The following LAMB1 variants were observed in gnomAD, a reference collection of about 807,000 sequenced individuals.
The protein encoded by LAMB1 is laminin subunit beta-1.
In LAMB1, 121 loss-of-function variants were observed where a neutral mutation model predicts 222.3. The observed-to-expected ratio is 0.54, with a 90% CI of 0.47 to 0.63. The LOEUF (loss-of-function observed/expected upper bound fraction) is 0.63, where lower values mean the gene tolerates loss of function less well. Among genes scored for constraint, LAMB1 ranks in the 30% least tolerant of loss-of-function variants. LAMB1 has a pLI of 0.00. For missense variants in LAMB1, 2,172 were observed against 2,240.8 expected (o/e 0.97, Z 0.62); for synonymous variants, 794 against 807.2 (o/e 0.98, Z 0.28).
At chr7:107,968,928 A>G (rs1293354575) in intron 13 of LAMB1, among the ~76,000 whole-genome samples, 1 of 152,206 alleles carries the variant, frequency 6.6e-6, no homozygotes, top group East Asian at 1.9e-4. Flanking sequence ...TTGTTATGGC[A>G]GCAATAGAAA....
chr7:107,933,578 T>G (rs900028997), intron 27 of LAMB1, among the ~76,000 whole-genome samples: 1 of 151,824 alleles, frequency 6.6e-6, no homozygotes, highest in Admixed American at 6.6e-5. Flanking sequence ...AGATCTGTTT[T>G]GTTTCAACAG....
At chr7:107,977,467 T>C (rs532299545) in intron 9 of LAMB1, among the ~76,000 whole-genome samples, 5 of 152,248 alleles carry the variant, frequency 3.3e-5, no homozygotes, top group Non-Finnish European at 7.4e-5. Context: ...ATATAGTTCT[T>C]TCATTTTTCT....
In LAMB1 at chr7:107,928,665, G is replaced by T. The variant is rs534445166; in HGVS notation, c.4887+399C>A. The stretch of plus-strand genomic sequence containing the variant: ...ACACCACTATGCCCAGCTAACTTTT[G>T]TATCTTTAGTAGAGAAGGGGTTTTG... On this transcript the variant is annotated intron_variant, in intron 31 of 33. Transcript: ENST00000222399. Among the ~76,000 whole-genome samples, 104 of 152,218 alleles carry T rather than the reference G, an allele frequency of 6.8e-4. 1 individual carries two copies. Among genetic ancestry groups the T allele is most frequent in the African/African-American group, 2.4e-3 (99 of 41,538 alleles).
chr7:107,939,706 A>G (rs982119014), intron 25 of LAMB1, among the ~76,000 whole-genome samples: 3 of 152,122 alleles, frequency 2.0e-5, no homozygotes, highest in African/African-American at 7.2e-5. Flanking sequence ...CATTCCTCCC[A>G]TTTTACTGAC....
intron 13 of LAMB1, among the ~76,000 whole-genome samples, chr7:107,967,180 T>G (rs1372614023): frequency 4.6e-5 from 7 of 152,264 alleles, no homozygotes; most frequent in Non-Finnish European, 5.9e-5. Context: ...TTTCTGCCAG[T>G]AGATTTAAAA....
At chr7:107,942,817 G>A (rs1208427472) in intron 24 of LAMB1, 1 of 152,148 alleles carries the variant, frequency 6.6e-6, no homozygotes, top group Non-Finnish European at 1.5e-5. Flanking sequence ...GGATAAAGGG[G>A]AAAAACGTGT....
rs1375544468 is a variant in LAMB1 at position 107,974,976 on chromosome 7, A to T, written c.1482+10T>A. 1 of 1,502,358 alleles carries T rather than the reference A, an allele frequency of 6.7e-7. No individual in the cohort carries two copies. Among genetic ancestry groups the T allele is most frequent in the Non-Finnish European group, 9.3e-7 (1 of 1,080,516 alleles). 93.1% of individuals were successfully genotyped at this position (1,502,358 alleles called of 1,614,324 possible). A position where few individuals can be genotyped will look rare whatever the true frequency, so the allele number is the denominator to read the frequency against. On this transcript the variant is annotated intron_variant, in intron 12 of 33. Transcript: ENST00000222399. The stretch of plus-strand genomic sequence containing the variant: ...CAACCACCCATCCCACGTAATGAGG[A>T]TTTACTTACCAGGCACTGGTCACAA...
chr7:108,000,090 C>CA (rs1453256867), intron 3 of LAMB1: 3 of 151,486 alleles, frequency 2.0e-5, no homozygotes, highest in Non-Finnish European at 4.4e-5. Context: ...TAAGTGTTAG[C>CA]ATAATATTGT....
At chr7:107,979,698 G>T (rs1333288568) in intron 8 of LAMB1, among the ~76,000 whole-genome samples, 3 of 152,168 alleles carry the variant, frequency 2.0e-5, no homozygotes, top group South Asian at 2.1e-4. Flanking sequence ...GTGGGGAAAA[G>T]AATGGAATTA....
intron 2 of LAMB1, chr7:108,002,301 T>C (rs2034406665): frequency 3.1e-6 from 4 of 1,307,984 alleles, no homozygotes; most frequent in Non-Finnish European, 4.0e-6. Flanking sequence ...TTTCCGGAGC[T>C]AGGGGAGCCC....
Position 107,940,206 on chromosome 7 carries a change from A to C in LAMB1, c.3544T>G (p.Cys1182Gly). 6.2e-7 allele frequency: 1 copy of C among 1,614,158 alleles called. No homozygotes were observed. The highest frequency in any genetic ancestry group is 8.5e-7 in the Non-Finnish European group (1 of 1,180,030). The change falls in exon 25 of 34, where the codon TGC becomes GGC. Residue 1182 changes from cysteine to glycine, a missense_variant. Cys to Gly is a radical substitution (Grantham distance 159). Transcript: ENST00000222399. ...VFPDCTPCHQ[C>G]FALWDVIIAE... Reference sequence around the variant, plus strand: ...ATGATCACATCCCAGAGAGCAAAGCACTGGTGGCAGGGTGTGCAGTCAGGG... The same window carrying C: ...ATGATCACATCCCAGAGAGCAAAGCCCTGGTGGCAGGGTGTGCAGTCAGGG...
chr7:107,939,190 G>A (rs1237359084), intron 25 of LAMB1, among the ~76,000 whole-genome samples: 1 of 152,090 alleles, frequency 6.6e-6, no homozygotes, highest in African/African-American at 2.4e-5. Context: ...GTCTTATTGT[G>A]CTGTTTTGGG....
intron 5 of LAMB1, among the ~76,000 whole-genome samples, chr7:107,993,880 C>T (rs777991164): frequency 9.2e-5 from 14 of 152,202 alleles, no homozygotes; most frequent in Non-Finnish European, 1.5e-4. Context: ...GAACAGCAGG[C>T]TGCTGGGGAG....
intron 13 of LAMB1, among the ~76,000 whole-genome samples, chr7:107,970,007 C>G (rs974365663): frequency 2.0e-5 from 3 of 152,152 alleles, no homozygotes; most frequent in Non-Finnish European, 4.4e-5. Context: ...AAATTTTAGT[C>G]CCTCATTTAT....
At chr7:107,963,946 A>G (rs912069935) in intron 14 of LAMB1, among the ~76,000 whole-genome samples, 1 of 152,224 alleles carries the variant, frequency 6.6e-6, no homozygotes, top group African/African-American at 2.4e-5. Context: ...TAAAAATACA[A>G]AATTAGCCAG....
chr7:107,991,237 C>T (rs892788650), intron 5 of LAMB1, among the ~76,000 whole-genome samples: 1 of 152,164 alleles, frequency 6.6e-6, no homozygotes, highest in Non-Finnish European at 1.5e-5. Flanking sequence ...TTATTGCAAT[C>T]ACCTCATAGT....
At position 107,982,685 on chromosome 7, in the gene LAMB1, C is replaced by G. The variant is rs997661457; in HGVS notation, c.677-1874G>C. Reference sequence around the variant, plus strand: ...CCTTTGTGGAAACCCCTCAGTAGAGCAAATATGCTCCCCCCACTCTCTCCT... The same window carrying G: ...CCTTTGTGGAAACCCCTCAGTAGAGGAAATATGCTCCCCCCACTCTCTCCT... On this transcript the variant is annotated intron_variant, in intron 7 of 33. Transcript: ENST00000222399. Among the ~76,000 whole-genome samples the G allele has an allele frequency of 2.0e-5, 3 of 152,136 alleles. No homozygotes were observed. In the East Asian group the frequency reaches 5.8e-4, roughly 29 times the overall value.
chr7:107,998,489 C>T lies in LAMB1; in HGVS notation c.217G>A (p.Asp73Asn), dbSNP rs1286622673. ...PYCIVSHLQE[D>N]KKCFICNSQD... ...GAATTGCATATGAAGCATTTTTTGT[C>T]CTCCTACAAACAAAGTTGAGTTCAT... Residue 73 changes from aspartate to asparagine, a missense_variant, in exon 4 of 34, where the codon GAC (aspartate) becomes AAC (asparagine). Transcript: ENST00000222399. The T allele has an allele frequency of 8.1e-6, 13 of 1,612,822 alleles. No individual in the cohort carries two copies. The South Asian group carries it at 1.4e-4, about 18-fold the overall frequency.
chr7:108,001,977 G>T, intron 2 of LAMB1: 2 of 1,446,254 alleles, frequency 1.4e-6, no homozygotes, highest in South Asian at 3.0e-5. Flanking sequence ...AGCAGCGAGA[G>T]CCTCCCTCCC....
Sources: gnomAD v4.1 joint callset for allele counts (sites outside exome capture counted in the v4.1 genomes callset) on GRCh38, gnomAD v4.1.1 for gene constraint, MANE v1.5 for transcripts, NCBI Gene and HGNC (gene_info 2026-07-23, HGNC 2026-07-21) for gene names.